IL1RAPL1: variants seen among roughly 807,000 people sequenced by gnomAD.
IL1RAPL1 encodes interleukin 1 receptor accessory protein like 1.
In IL1RAPL1, 3 loss-of-function variants were observed where a neutral mutation model predicts 48.4. That is an observed-to-expected ratio of 0.06 (90% confidence interval 0.03 to 0.16). The LOEUF (loss-of-function observed/expected upper bound fraction) is 0.16. Ranked by LOEUF, IL1RAPL1 falls within the 10% of genes least tolerant of loss-of-function variation. IL1RAPL1 has a pLI of 1.00. For synonymous variants in IL1RAPL1, 185 were observed against 187.7 expected (o/e 0.99, Z 0.12); for missense variants, 349 against 530.6 (o/e 0.66, Z 3.36).
intron 6 of IL1RAPL1, among the ~76,000 whole-genome samples, chrX:29,796,684 G>T (rs1443348261): frequency 1.8e-5 from 2 of 112,170 alleles, no homozygotes; most frequent in East Asian, 5.6e-4. Context: ...CACAGCAAAT[G>T]AATGATAATT....
At chrX:29,399,549 C>T (rs763156941) in intron 5 of IL1RAPL1, among the ~76,000 whole-genome samples, 1 of 111,345 alleles carries the variant, frequency 9.0e-6, no homozygotes, top group African/African-American at 3.3e-5. Flanking sequence ...GGCCGGGCAC[C>T]GTGGCTCATG....
At chrX:29,402,221 A>G (rs1337743566) in intron 5 of IL1RAPL1, among the ~76,000 whole-genome samples, 1 of 111,518 alleles carries the variant, frequency 9.0e-6, no homozygotes, top group Non-Finnish European at 1.9e-5. Context: ...TTCTTACTCC[A>G]AATGTCCTCC....
At chrX:28,653,131 A>G (rs1390141949) in intron 1 of IL1RAPL1, among the ~76,000 whole-genome samples, 3 of 111,877 alleles carry the variant, frequency 2.7e-5, no homozygotes, top group Non-Finnish European at 5.6e-5. Flanking sequence ...ATATTTTTCA[A>G]TACAACATAA....
intron 5 of IL1RAPL1, among the ~76,000 whole-genome samples, chrX:29,502,298 G>T (rs951919368): frequency 4.5e-5 from 5 of 110,809 alleles, no homozygotes; most frequent in Non-Finnish European, 9.5e-5. Context: ...TTCCAATTTT[G>T]ATGCCTCTTA....
chrX:29,941,842 TTCTTG>T (rs1325201446), intron 9 of IL1RAPL1, 48 bp downstream of exon 9: 28 of 1,152,247 alleles, frequency 2.4e-5, no homozygotes, highest in South Asian at 3.6e-5. Context: ...TCTAATTTCT[TTCTTG>T]TCTTTGTTTT....
chrX:29,232,745 G>A (rs1194533248), intron 2 of IL1RAPL1, among the ~76,000 whole-genome samples: 1 of 111,563 alleles, frequency 9.0e-6, no homozygotes, highest in Admixed American at 9.5e-5. Flanking sequence ...AACTTTTCCA[G>A]GCCCACATTT....
chrX:28,724,973 A>G (rs1377937373), intron 1 of IL1RAPL1, among the ~76,000 whole-genome samples: 2 of 93,039 alleles, frequency 2.1e-5, no homozygotes, highest in African/African-American at 8.3e-5. Context: ...TTTTTCTGAG[A>G]CGGAGTCTCA....
chrX:28,900,124 A>T (rs1443183023), intron 2 of IL1RAPL1, among the ~76,000 whole-genome samples: 1 of 112,017 alleles, frequency 8.9e-6, no homozygotes, highest in African/African-American at 3.2e-5. Flanking sequence ...CAGACTATTG[A>T]GTGGGCAGTC....
At position 29,390,968 on chromosome X, in the gene IL1RAPL1, G is replaced by GT. The variant is rs1458685437; in HGVS notation, c.363-5287dup. Among the ~76,000 whole-genome samples, 66 of 111,293 alleles carry GT rather than the reference G, an allele frequency of 5.9e-4. No individual in the cohort carries two copies. The Admixed American group carries it at 6.3e-3, about 11-fold the overall frequency. The stretch of plus-strand genomic sequence containing the variant: ...GCAGGTAGATCAACTGAGATCAGGA[G>GT]TTTGAGACCAGCCTGACCAACATGG... On this transcript the variant is annotated intron_variant, in intron 3 of 10. Coordinates refer to ENST00000378993, the MANE Select transcript of IL1RAPL1 (RefSeq NM_014271.4).
intron 2 of IL1RAPL1, among the ~76,000 whole-genome samples, chrX:29,181,246 T>G (rs748871405): frequency 1.8e-5 from 2 of 111,208 alleles, no homozygotes; most frequent in African/African-American, 6.5e-5. Flanking sequence ...CTTGGAAGGT[T>G]TTTAGCACAC....
rs16988543 is a variant in IL1RAPL1 at position 29,435,904 on chromosome X, A to G, written c.703+36596A>G. On this transcript the variant is annotated intron_variant, in intron 5 of 10. Coordinates refer to ENST00000378993, the MANE Select transcript of IL1RAPL1 (RefSeq NM_014271.4). ...GTCACTTTTTCTTTTCAAGTCTAGT[A>G]TCTAAAGTACTCTGAAATGGGGAAA... Among the ~76,000 whole-genome samples, 513 of 110,825 alleles carry G rather than the reference A, an allele frequency of 4.6e-3. 4 individuals are homozygous for G. The highest frequency in any genetic ancestry group is 0.016 in the African/African-American group (500 of 30,816).
At chrX:29,023,098 ACT>A (rs773810857) in intron 2 of IL1RAPL1, among the ~76,000 whole-genome samples, 94 of 111,686 alleles carry the variant, frequency 8.4e-4, no homozygotes, top group Non-Finnish European at 1.7e-3. Flanking sequence ...CATGAAATAA[ACT>A]CTACTGCAGC....
At chrX:29,834,468 C>A (rs774279040) in intron 6 of IL1RAPL1, among the ~76,000 whole-genome samples, 2 of 108,470 alleles carry the variant, frequency 1.8e-5, no homozygotes, top group Admixed American at 2.0e-4. Context: ...CTACCCCTTG[C>A]CAAGAGGCTG....
intron 3 of IL1RAPL1, among the ~76,000 whole-genome samples, chrX:29,338,112 A>G (rs1023776812): frequency 5.4e-5 from 6 of 112,046 alleles, no homozygotes; most frequent in African/African-American, 1.6e-4. Flanking sequence ...GGCTTCATCA[A>G]TTAACACTAT....
chrX:29,536,159 A>G (rs1921225901), intron 5 of IL1RAPL1, among the ~76,000 whole-genome samples: 1 of 112,246 alleles, frequency 8.9e-6, no homozygotes, highest in African/African-American at 3.2e-5. Context: ...TTAAAAGTAA[A>G]TAAAAGAAAT....
chrX:29,618,146 A>G (rs1412207260), intron 5 of IL1RAPL1, among the ~76,000 whole-genome samples: 1 of 111,786 alleles, frequency 8.9e-6, no homozygotes, highest in African/African-American at 3.3e-5. Context: ...ATATAATAAT[A>G]AGAAAAACCA....
intron 6 of IL1RAPL1, among the ~76,000 whole-genome samples, chrX:29,699,790 G>A (rs752988114): frequency 8.9e-6 from 1 of 112,232 alleles, no homozygotes; most frequent in Non-Finnish European, 1.9e-5. Flanking sequence ...TTTGTGAGTG[G>A]CTACTTCTAG....
chrX:29,436,290 C>T (rs1934480724), intron 5 of IL1RAPL1, among the ~76,000 whole-genome samples: 1 of 109,940 alleles, frequency 9.1e-6, no homozygotes, highest in African/African-American at 3.3e-5. Flanking sequence ...CATCACTTTT[C>T]AAAAATCTTG....
chrX:29,784,915 G>A (rs1413719637), intron 6 of IL1RAPL1, among the ~76,000 whole-genome samples: 1 of 111,899 alleles, frequency 8.9e-6, no homozygotes, highest in Non-Finnish European at 1.9e-5. Flanking sequence ...ATAATTTTAA[G>A]TTAAAAGAAT....
Sources: gnomAD v4.1 joint callset for allele counts (sites outside exome capture counted in the v4.1 genomes callset) on GRCh38, gnomAD v4.1.1 for gene constraint, MANE v1.5 for transcripts, NCBI Gene and HGNC (gene_info 2026-07-23, HGNC 2026-07-21) for gene names.